The following FAM241A variants were observed in gnomAD, a reference collection of about 807,000 sequenced individuals.
FAM241A encodes the protein uncharacterized protein FAM241A.
Under a neutral mutation model 12.2 loss-of-function variants are expected in FAM241A, and 7 were observed. That is an observed-to-expected ratio of 0.58 (90% confidence interval 0.33 to 1.08). FAM241A has a LOEUF of 1.08. Ranked by LOEUF, FAM241A falls within the 50% of genes least tolerant of loss-of-function variation. The pLI, the probability that FAM241A is intolerant of heterozygous loss-of-function variation, is 0.04. For missense variants in FAM241A, 161 were observed against 169.7 expected (o/e 0.95, Z 0.29); for synonymous variants, 74 against 68.2 (o/e 1.08, Z -0.42).
chr4:112,178,300 T>C (rs766425581), intron 1 of FAM241A, among the ~76,000 whole-genome samples: 24 of 152,150 alleles, frequency 1.6e-4, no homozygotes, highest in Non-Finnish European at 2.6e-4. Context: ...ATCCTAATTA[T>C]CCAGGTGGAT....
intron 1 of FAM241A, among the ~76,000 whole-genome samples, chr4:112,179,642 G>A (rs1029714588): frequency 3.3e-5 from 5 of 151,314 alleles, no homozygotes; most frequent in Non-Finnish European, 7.4e-5. Context: ...CACCAACCTG[G>A]CACATGTATA....
intron 1 of FAM241A, among the ~76,000 whole-genome samples, chr4:112,183,794 A>T (rs1168556764): frequency 1.3e-5 from 2 of 152,090 alleles, no homozygotes; most frequent in Non-Finnish European, 2.9e-5. Flanking sequence ...GGGATGAGGG[A>T]TCAGCAGAAT....
At chr4:112,182,504 TAAAA>T (rs201526548) in intron 1 of FAM241A, among the ~76,000 whole-genome samples, 1 of 144,612 alleles carries the variant, frequency 6.9e-6, no homozygotes, top group African/African-American at 2.5e-5. Context: ...GTTGTAAACT[TAAAA>T]AAAAAAAAAT....
intron 1 of FAM241A, among the ~76,000 whole-genome samples, chr4:112,172,825 A>G (rs1723750237): frequency 1.3e-5 from 2 of 152,148 alleles, no homozygotes; most frequent in Admixed American, 6.5e-5. Flanking sequence ...ACATAGTTTT[A>G]TTTGTTCATT....
chr4:112,154,319 G>A (rs1723307585), intron 1 of FAM241A, among the ~76,000 whole-genome samples: 1 of 152,028 alleles, frequency 6.6e-6, no homozygotes, highest in Non-Finnish European at 1.5e-5. Flanking sequence ...CCAAGCAGGA[G>A]TGCAATGGTA....
chr4:112,153,589 T>C (rs4834222), intron 1 of FAM241A, among the ~76,000 whole-genome samples: 67,425 of 151,928 alleles, frequency 0.44, 15,469 homozygotes, highest in East Asian at 0.57. Flanking sequence ...ATAAACCGAG[T>C]TTCTAACCAA....
At chr4:112,162,692 C>A (rs1033339504) in intron 1 of FAM241A, among the ~76,000 whole-genome samples, 2 of 152,320 alleles carry the variant, frequency 1.3e-5, no homozygotes, top group Admixed American at 1.3e-4. Context: ...ATTCCATGCT[C>A]ATGGGTAGGA....
intron 1 of FAM241A, among the ~76,000 whole-genome samples, chr4:112,152,788 C>T (rs577740417): frequency 6.6e-4 from 100 of 152,186 alleles, no homozygotes; most frequent in Non-Finnish European, 1.3e-3. Context: ...TTTTGAATCC[C>T]GGTTTTACTC....
intron 1 of FAM241A, among the ~76,000 whole-genome samples, chr4:112,178,757 A>G (rs115894994): frequency 0.03 from 4,543 of 152,320 alleles, 185 homozygotes; most frequent in East Asian, 0.16. Context: ...GAGGTCTAAT[A>G]TACAGAATAT....
chr4:112,160,212 G>T (rs1013288784), intron 1 of FAM241A, among the ~76,000 whole-genome samples: 1 of 152,072 alleles, frequency 6.6e-6, no homozygotes, highest in African/African-American at 2.4e-5. Context: ...TTCAAGACCA[G>T]TCTGGCCAAC....
chr4:112,162,069 T>A (rs956334281), intron 1 of FAM241A, among the ~76,000 whole-genome samples: 4 of 152,204 alleles, frequency 2.6e-5, no homozygotes, highest in African/African-American at 9.7e-5. Flanking sequence ...CACATGATTA[T>A]CTCAAGAGAT....
chr4:112,171,859 A>AAAAAAC (rs965973200), intron 1 of FAM241A, among the ~76,000 whole-genome samples: 2 of 152,180 alleles, frequency 1.3e-5, no homozygotes, highest in African/African-American at 4.8e-5. Context: ...ACTCTGTCTC[A>AAAAAAC]AAAAACAAAA....
chr4:112,160,127 A>C (rs11098145), intron 1 of FAM241A, among the ~76,000 whole-genome samples: 86,253 of 152,052 alleles, frequency 0.57, 26,072 homozygotes, highest in East Asian at 0.83. Context: ...GCATTTCTGG[A>C]TGGGCACAGT....
chr4:112,181,887 T>A (rs371588783), intron 1 of FAM241A, among the ~76,000 whole-genome samples: 1 of 152,044 alleles, frequency 6.6e-6, no homozygotes, highest in South Asian at 2.1e-4. Context: ...AGGATGGAGG[T>A]GGCATGATTG....
chr4:112,180,271 T>C (rs1267097679), intron 1 of FAM241A, among the ~76,000 whole-genome samples: 2 of 151,896 alleles, frequency 1.3e-5, no homozygotes, highest in Non-Finnish European at 2.9e-5. Flanking sequence ...ACTGCCTGAG[T>C]GATGGAATAT....
At chr4:112,167,205 A>T (rs967004993) in intron 1 of FAM241A, among the ~76,000 whole-genome samples, 5 of 152,094 alleles carry the variant, frequency 3.3e-5, no homozygotes, top group African/African-American at 9.7e-5. Flanking sequence ...CAGCATATAA[A>T]CTATATAAGT....
chr4:112,174,902 T>C (rs1014368604), intron 1 of FAM241A, among the ~76,000 whole-genome samples: 7 of 152,346 alleles, frequency 4.6e-5, no homozygotes, highest in Admixed American at 3.3e-4. Context: ...GAAACCAGGC[T>C]TTAAAGTGAC....
rs145197731 is a variant in FAM241A at position 112,190,030 on chromosome 4, C to G, written c.*3092C>G. On this transcript the variant is annotated 3_prime_UTR_variant, in exon 2 of 2. Coordinates refer to ENST00000309733, the MANE Select transcript of FAM241A (RefSeq NM_152400.3). ...ACCCAAAACTGAATCTGGCTCTTTC[C>G]CTTGTGGGTATTATGGTTCATGGTT... is the stretch of plus-strand genomic sequence containing the variant. 76 of 138,682 alleles carry G rather than the reference C, an allele frequency of 5.5e-4. No homozygotes were observed. The highest frequency in any genetic ancestry group is 2.1e-3 in the African/African-American group (73 of 35,398). 8.6% of individuals were successfully genotyped at this position (138,682 alleles called of 1,614,324 possible). A position where few individuals can be genotyped will look rare whatever the true frequency, so the allele number is the denominator to read the frequency against.
chr4:112,164,307 G>A (rs747041677), intron 1 of FAM241A, among the ~76,000 whole-genome samples: 37 of 151,278 alleles, frequency 2.4e-4, no homozygotes, highest in Middle Eastern at 3.5e-3. Context: ...TGAGGACATG[G>A]ATGAAGCTGG....
Sources: gnomAD v4.1 joint callset for allele counts (sites outside exome capture counted in the v4.1 genomes callset) on GRCh38, gnomAD v4.1.1 for gene constraint, MANE v1.5 for transcripts, NCBI Gene and HGNC (gene_info 2026-07-23, HGNC 2026-07-21) for gene names.